Variants in STAU2 observed in about 807,000 individuals in gnomAD.
STAU2 encodes staufen double-stranded RNA binding protein 2, also known as double-stranded RNA-binding protein Staufen homolog 2.
A neutral mutation model predicts 65.9 loss-of-function variants in STAU2; 20 were observed. The observed-to-expected ratio is 0.30, with a 90% confidence interval of 0.21 to 0.44. The LOEUF (loss-of-function observed/expected upper bound fraction) is 0.44, where lower values mean the gene tolerates loss of function less well. STAU2 is among the 20% of genes least tolerant of loss of function. The pLI is 1.00. For missense variants in STAU2, 558 were observed against 683.9 expected, an observed-to-expected ratio of 0.82 and a Z score of 2.05; for synonymous variants, 232 against 233.9, an observed-to-expected ratio of 0.99 and a Z score of 0.07.
At chr8:73,593,906 C>T (rs181299343) in intron 11 of STAU2, among the ~76,000 whole-genome samples, 1,630 of 145,864 alleles carry the variant, frequency 0.011, 34 homozygotes, top group African/African-American at 0.039. Context: ...CACACACACA[C>T]GTTGATGGTT....
chr8:73,424,282 C>T (rs1431875538), intron 13 of STAU2, among the ~76,000 whole-genome samples: 2 of 145,130 alleles, frequency 1.4e-5, no homozygotes, highest in African/African-American at 2.6e-5. Flanking sequence ...CTCACTGCAA[C>T]CTCTGCCTCC....
At chr8:73,499,767 G>A (rs1821631376) in intron 13 of STAU2, among the ~76,000 whole-genome samples, 1 of 151,888 alleles carries the variant, frequency 6.6e-6, no homozygotes, top group African/African-American at 2.4e-5. Context: ...TTTGTAAGTT[G>A]AGGGAAAGGT....
chr8:73,499,858 T>G (rs1054416604), intron 13 of STAU2, among the ~76,000 whole-genome samples: 1 of 151,808 alleles, frequency 6.6e-6, no homozygotes, highest in African/African-American at 2.4e-5. Context: ...GCATATGGGC[T>G]CTAGACCACG....
chr8:73,651,315 A>T, intron 6 of STAU2: 1 of 677,590 alleles, frequency 1.5e-6, no homozygotes, highest in Non-Finnish European at 2.7e-6. Context: ...ACCACGGAGC[A>T]GGTCCGTGGC....
intron 4 of STAU2, among the ~76,000 whole-genome samples, chr8:73,703,688 G>A (rs1000870906): frequency 6.6e-6 from 1 of 152,152 alleles, no homozygotes; most frequent in Non-Finnish European, 1.5e-5. Flanking sequence ...ACTATGCTAA[G>A]TGAAAATAGT....
At chr8:73,574,872 A>G (rs144730465) in intron 12 of STAU2, among the ~76,000 whole-genome samples, 7 of 152,018 alleles carry the variant, frequency 4.6e-5, no homozygotes, top group Non-Finnish European at 7.4e-5. Flanking sequence ...AAACCTGCAC[A>G]TTGTGCACAT....
intron 6 of STAU2, chr8:73,669,057 A>G (rs1240423490): frequency 2.9e-6 from 2 of 695,658 alleles, no homozygotes; most frequent in African/African-American, 1.8e-5. Flanking sequence ...AGGAAAAGAC[A>G]TCTCCTTGGA....
At chr8:73,641,816 A>T (rs1029001103) in intron 6 of STAU2, among the ~76,000 whole-genome samples, 3 of 152,258 alleles carry the variant, frequency 2.0e-5, no homozygotes, top group African/African-American at 7.2e-5. Context: ...CTCTAGTCGA[A>T]ATCAGATAAA....
intron 1 of STAU2, among the ~76,000 whole-genome samples, chr8:73,744,428 G>A (rs749281696): frequency 6.8e-6 from 1 of 147,948 alleles, no homozygotes; most frequent in Non-Finnish European, 1.5e-5. Flanking sequence ...CAGATTCCCA[G>A]CACTGAACGT....
chr8:73,480,494 G>A (rs1251078078), intron 13 of STAU2, among the ~76,000 whole-genome samples: 3 of 152,138 alleles, frequency 2.0e-5, no homozygotes, highest in Non-Finnish European at 4.4e-5. Context: ...GTGGACATGA[G>A]ACTATTAGCA....
intron 10 of STAU2, among the ~76,000 whole-genome samples, chr8:73,600,513 T>C (rs1811558670): frequency 6.6e-6 from 1 of 152,236 alleles, no homozygotes; most frequent in Non-Finnish European, 1.5e-5. Flanking sequence ...GCAGGCCCTA[T>C]GGATAATCTA....
At chr8:73,499,242 AATACATCT>A (rs1821604519) in intron 13 of STAU2, among the ~76,000 whole-genome samples, 1 of 151,798 alleles carries the variant, frequency 6.6e-6, no homozygotes, top group Admixed American at 6.6e-5. Flanking sequence ...CTACTCTCTC[AATACATCT>A]ATGTCCTGTT....
intron 13 of STAU2, among the ~76,000 whole-genome samples, chr8:73,499,229 C>G (rs1264719460): frequency 1.3e-5 from 2 of 151,832 alleles, no homozygotes; most frequent in Non-Finnish European, 2.9e-5. Flanking sequence ...GTCTCTCCCC[C>G]ACCTACTCTC....
intron 6 of STAU2, among the ~76,000 whole-genome samples, chr8:73,654,848 G>A (rs959089733): frequency 1.3e-5 from 2 of 151,324 alleles, no homozygotes; most frequent in Admixed American, 6.6e-5. Context: ...CACCATGCCC[G>A]GCTAATTTTT....
intron 13 of STAU2, among the ~76,000 whole-genome samples, chr8:73,484,803 AAC>A (rs1199478183): frequency 6.6e-6 from 1 of 152,100 alleles, no homozygotes; most frequent in Non-Finnish European, 1.5e-5. Flanking sequence ...GGCAATCACA[AAC>A]TCAGATGTGA....
intron 12 of STAU2, among the ~76,000 whole-genome samples, chr8:73,580,699 A>G (rs183551520): frequency 2.6e-5 from 4 of 152,344 alleles, no homozygotes; most frequent in African/African-American, 7.2e-5. Context: ...TTAAGTGCCA[A>G]TGAGCTGGCT....
At chr8:73,622,326 CTG>C (rs1433290092) in intron 6 of STAU2, among the ~76,000 whole-genome samples, 1 of 151,866 alleles carries the variant, frequency 6.6e-6, no homozygotes, top group Non-Finnish European at 1.5e-5. Flanking sequence ...CAGGGTTTCA[CTG>C]TGTTAGCCAG....
At chr8:73,672,610 T>C (rs908180456) in intron 6 of STAU2, among the ~76,000 whole-genome samples, 1 of 152,216 alleles carries the variant, frequency 6.6e-6, no homozygotes, top group African/African-American at 2.4e-5. Context: ...TATATTTAAA[T>C]GCAAAGAAAA....
intron 13 of STAU2, among the ~76,000 whole-genome samples, chr8:73,467,800 A>G (rs1176750568): frequency 6.6e-6 from 1 of 152,186 alleles, no homozygotes; most frequent in Non-Finnish European, 1.5e-5. Flanking sequence ...CAATGAAATA[A>G]AAGAGGATAC....
Sources: gnomAD v4.1 joint callset for allele counts (sites outside exome capture counted in the v4.1 genomes callset) on GRCh38, gnomAD v4.1.1 for gene constraint, MANE v1.5 for transcripts, NCBI Gene and HGNC (gene_info 2026-07-23, HGNC 2026-07-21) for gene names.